Variants in FRAS1 observed in about 807,000 individuals in gnomAD.
FRAS1 encodes extracellular matrix organizing protein FRAS1.
Under a neutral mutation model 435.2 loss-of-function variants are expected in FRAS1, and 290 were observed. That is an observed-to-expected ratio of 0.67 (90% CI 0.61 to 0.73). FRAS1 has a LOEUF of 0.73. FRAS1 is among the 30% of genes least tolerant of loss of function. FRAS1 has a pLI of 0.00. For missense variants in FRAS1, 4,860 were observed against 5,001.5 expected (o/e 0.97, Z 0.85); for synonymous variants, 1,800 against 1,851.0 (o/e 0.97, Z 0.71).
In FRAS1 at chr4:78,250,840, C is replaced by T. The variant is rs575655640; in HGVS notation, c.310-1552C>T. Reference sequence around the variant, plus strand: ...GTCTTTTCATATCAGATATTTAAAACGTTATAATTTTATAATTAGTATTTT... The same window carrying T: ...GTCTTTTCATATCAGATATTTAAAATGTTATAATTTTATAATTAGTATTTT... On this transcript the variant is annotated intron_variant, in intron 4 of 73. Coordinates refer to ENST00000512123, the MANE Select transcript of FRAS1 (RefSeq NM_025074.7). Among the ~76,000 whole-genome samples the T allele has an allele frequency of 6.8e-4, 104 of 152,236 alleles. 1 individual carries two copies. Among genetic ancestry groups the T allele is most frequent in the African/African-American group, 2.3e-3 (94 of 41,554 alleles).
rs544577444 is a variant in FRAS1 at position 78,057,414 on chromosome 4, A to C, written c.-596A>C. ...GGCTGCAGGGCGGGCGAGTCCCCGG[A>C]GCTGCCCTCAGCGCTGCACAGTTTC... On this transcript the variant is annotated 5_prime_UTR_variant, in exon 1 of 74. Transcript: ENST00000512123. This position sits in a 1 kb window ranked among gnomAD's most constrained non-coding sequence, Gnocchi z 4.2. Among the ~76,000 whole-genome samples, 5 of 152,118 alleles carry C rather than the reference A, an allele frequency of 3.3e-5. No individual in the cohort carries two copies. The highest frequency in any genetic ancestry group is 1.2e-4 in the African/African-American group (5 of 41,422).
chr4:78,400,660 A>G (rs539633201), intron 29 of FRAS1, 74 bp from the exon 30 acceptor site: 353 of 1,421,056 alleles, frequency 2.5e-4, no homozygotes, highest in Admixed American at 6.3e-4. Flanking sequence ...ACAGAACTGG[A>G]TAACTTATGT....
At chr4:78,162,898 A>C (rs897248888) in intron 2 of FRAS1, among the ~76,000 whole-genome samples, 3 of 152,336 alleles carry the variant, frequency 2.0e-5, no homozygotes, top group Admixed American at 2.0e-4. Context: ...GAATTATCTA[A>C]GACAGGAAAG....
chr4:78,338,539 T>C (rs1230562437), intron 20 of FRAS1, among the ~76,000 whole-genome samples: 1 of 152,188 alleles, frequency 6.6e-6, no homozygotes, highest in Non-Finnish European at 1.5e-5. Flanking sequence ...CTTGATCCAC[T>C]TTTTCAAACT....
intron 2 of FRAS1, among the ~76,000 whole-genome samples, chr4:78,081,608 C>T (rs949529154): frequency 6.6e-6 from 1 of 152,046 alleles, no homozygotes; most frequent in Admixed American, 6.6e-5. Context: ...GAAACCTGGG[C>T]AATAAATTGG....
intron 14 of FRAS1, among the ~76,000 whole-genome samples, chr4:78,294,847 T>G (rs764830506): frequency 2.0e-5 from 3 of 152,072 alleles, no homozygotes; most frequent in Admixed American, 6.6e-5. Flanking sequence ...GAATTTATGT[T>G]TATTCCAAAA....
intron 67 of FRAS1, among the ~76,000 whole-genome samples, chr4:78,520,553 T>G (rs1379490739): frequency 6.6e-6 from 1 of 152,220 alleles, no homozygotes; most frequent in Non-Finnish European, 1.5e-5. Flanking sequence ...TATAAAATGG[T>G]GTAGTATTTA....
Position 78,379,833 on chromosome 4 carries a change from A to G in FRAS1, c.3400A>G (p.Arg1134Gly), listed in dbSNP as rs779661309. Residue 1134 changes from arginine to glycine, a missense_variant, in exon 27 of 74, where the codon AGG becomes GGG. Physicochemically the swap from Arg to Gly is moderately radical, Grantham distance 125 (BLOSUM62 -2). Coordinates refer to ENST00000512123, the MANE Select transcript of FRAS1 (RefSeq NM_025074.7). Reference protein sequence around the residue: ...SLLNVQDQEGRVEDLLFHVVS... With the variant: ...SLLNVQDQEGGVEDLLFHVVS... ...CCTGAATGTCCAAGACCAGGAGGGT[A>G]GGGTCGAAGATCTCCTATTTCATGT... 2 of 1,613,912 alleles carry G rather than the reference A, an allele frequency of 1.2e-6. No homozygotes were observed. Among genetic ancestry groups the G allele is most frequent in the Admixed American group, 1.7e-5 (1 of 59,998 alleles).
rs376870484 is a variant in FRAS1, at chr4:78,387,701, G to A, written c.3975G>A (p.Gln1325=). Residue 1325 remains glutamine, a splice_region_variant and synonymous_variant, in exon 29 of 74, where the codon CAG becomes CAA. Transcript: ENST00000512123. ...NILFQVKTVP[Q]NDRGLQLVAN... is the part of the protein sequence containing the mutation. Reference sequence around the variant, plus strand: ...TGTTCCAAGTGAAGACCGTGCCTCAGGTAGGTGTCATTCCTAGAGTTACAG... The same window carrying A: ...TGTTCCAAGTGAAGACCGTGCCTCAAGTAGGTGTCATTCCTAGAGTTACAG... 1.3e-6 allele frequency: 2 copies of A among 1,509,766 alleles called. No homozygotes were observed. The highest frequency in any genetic ancestry group is 2.3e-5 in the East Asian group (1 of 43,650). The allele number at this position is 1,509,766 out of a possible 1,614,324, so 93.5% of individuals were successfully genotyped here.
At chr4:78,116,813 G>A (rs1180286624) in intron 2 of FRAS1, among the ~76,000 whole-genome samples, 1 of 152,126 alleles carries the variant, frequency 6.6e-6, no homozygotes, top group Admixed American at 6.5e-5. Context: ...TTTAATTGGA[G>A]CACTTAGCCC....
intron 66 of FRAS1, among the ~76,000 whole-genome samples, chr4:78,518,790 T>C (rs1272317718): frequency 1.3e-5 from 2 of 152,166 alleles, no homozygotes; most frequent in African/African-American, 4.8e-5. Flanking sequence ...ATATATGATT[T>C]CAATGCTCCG....
chr4:78,130,314 C>G lies in FRAS1; in HGVS notation c.108+64298C>G, dbSNP rs1000984316. On this transcript the variant is annotated intron_variant, in intron 2 of 73. Transcript: ENST00000512123. ...AGTAAATTCTGAGCTGGAATGACTA[C>G]TTTAAACTTCAGGTATAAATATAGG... Among the ~76,000 whole-genome samples, 3 of 152,268 alleles carry G rather than the reference C, an allele frequency of 2.0e-5. No homozygotes were observed. The East Asian group carries it at 5.8e-4, about 29-fold the overall frequency.
chr4:78,260,715 C>T (rs976844712), intron 6 of FRAS1, among the ~76,000 whole-genome samples: 2 of 152,110 alleles, frequency 1.3e-5, no homozygotes, highest in Admixed American at 1.3e-4. Context: ...TGCCTAATTA[C>T]CCTGGCCAGA....
chr4:78,398,309 A>G (rs1410630860), intron 29 of FRAS1, among the ~76,000 whole-genome samples: 1 of 152,216 alleles, frequency 6.6e-6, no homozygotes, highest in Non-Finnish European at 1.5e-5. Flanking sequence ...TTCATGCGTT[A>G]GTATGTCTGC....
intron 2 of FRAS1, among the ~76,000 whole-genome samples, chr4:78,139,174 G>A (rs1200154569): frequency 6.6e-6 from 1 of 152,198 alleles, no homozygotes; most frequent in Non-Finnish European, 1.5e-5. Context: ...TAATGGTGGG[G>A]TAGTACAGCG....
At chr4:78,420,342 G>T (rs1447843503) in intron 33 of FRAS1, among the ~76,000 whole-genome samples, 1 of 152,160 alleles carries the variant, frequency 6.6e-6, no homozygotes, top group Admixed American at 6.5e-5. Flanking sequence ...AGTCGAGATG[G>T]AGCCCTTTCA....
At chr4:78,161,288 G>A (rs1721126302) in intron 2 of FRAS1, among the ~76,000 whole-genome samples, 1 of 152,218 alleles carries the variant, frequency 6.6e-6, no homozygotes, top group East Asian at 1.9e-4. Context: ...GTGTGAGCTA[G>A]TTTGCATATA....
intron 18 of FRAS1, among the ~76,000 whole-genome samples, chr4:78,321,092 A>G (rs1348843720): frequency 6.6e-6 from 1 of 152,220 alleles, no homozygotes; most frequent in Non-Finnish European, 1.5e-5. Flanking sequence ...ATTGTAAATA[A>G]ATAAAAATTA....
At chr4:78,061,000 C>T (rs533449235) in intron 1 of FRAS1, among the ~76,000 whole-genome samples, 1 of 152,184 alleles carries the variant, frequency 6.6e-6, no homozygotes, top group African/African-American at 2.4e-5. Flanking sequence ...ATGTGCGCCA[C>T]CATGCCCAGC....
Sources: gnomAD v4.1 joint callset for allele counts (sites outside exome capture counted in the v4.1 genomes callset) on GRCh38, gnomAD v4.1.1 for gene constraint, Gnocchi (gnomAD v3.1) non-coding constraint, MANE v1.5 for transcripts, NCBI Gene and HGNC (gene_info 2026-07-23, HGNC 2026-07-21) for gene names.